Variants in RARB observed in about 807,000 individuals in gnomAD.
RARB encodes HBV-activated protein.
A neutral mutation model predicts 51.9 loss-of-function variants in RARB; 17 were observed. The observed-to-expected ratio is 0.33, with a 90% confidence interval of 0.22 to 0.49. RARB has a LOEUF of 0.49. RARB is among the 20% of genes least tolerant of loss of function. The probability of loss-of-function intolerance (pLI) is 0.99; values close to 1 mark genes in which losing one functional copy is unlikely to be tolerated. For missense variants in RARB, 369 were observed against 550.8 expected, an observed-to-expected ratio of 0.67 and a Z score of 3.30; for synonymous variants, 215 against 195.4, an observed-to-expected ratio of 1.10 and a Z score of -0.84.
Position 25,519,587 on chromosome 3 carries a change from C to T in RARB, c.448+18264C>T, listed in dbSNP as rs553965749. Reference sequence around the variant, plus strand: ...AGAAAGTATAAAACAAAATTATGCACAGTTTGATCTCATATTTGTAACAAC... The same window carrying T: ...AGAAAGTATAAAACAAAATTATGCATAGTTTGATCTCATATTTGTAACAAC... On this transcript the variant is annotated intron_variant, in intron 3 of 7. Transcript: ENST00000330688. Among the ~76,000 whole-genome samples, 5 of 152,180 alleles carry T rather than the reference C, an allele frequency of 3.3e-5. No individual in the cohort carries two copies. The South Asian group carries it at 1.0e-3, about 32-fold the overall frequency.
chr3:25,175,865 G>T (rs1472395729), intron 5 of RARB, among the ~76,000 whole-genome samples: 1 of 152,120 alleles, frequency 6.6e-6, no homozygotes, highest in African/African-American at 2.4e-5. Context: ...AGTTGAAGCA[G>T]CCAAAGCGGC....
intron 2 of RARB, among the ~76,000 whole-genome samples, chr3:24,981,536 C>A (rs897329287): frequency 2.0e-5 from 3 of 152,168 alleles, no homozygotes; most frequent in African/African-American, 7.2e-5. Context: ...CAGGTCGATC[C>A]CAGACTGCTG....
At chr3:25,305,263 G>A (rs1176768574) in intron 5 of RARB, among the ~76,000 whole-genome samples, 1 of 152,052 alleles carries the variant, frequency 6.6e-6, no homozygotes, top group East Asian at 1.9e-4. Flanking sequence ...ACTGTAGGAG[G>A]AGAGGTTTTA....
intron 5 of RARB, among the ~76,000 whole-genome samples, chr3:25,588,995 G>T (rs1701511435): frequency 6.6e-6 from 1 of 152,190 alleles, no homozygotes; most frequent in South Asian, 2.1e-4. Context: ...GAGGAATTAA[G>T]CTCCACCCCT....
chr3:25,064,060 T>C (rs1178636305), intron 3 of RARB, among the ~76,000 whole-genome samples: 1 of 152,102 alleles, frequency 6.6e-6, no homozygotes, highest in Non-Finnish European at 1.5e-5. Context: ...TGGGCAGCGG[T>C]GGGTGGATAG....
At chr3:25,232,707 C>G (rs1199276210) in intron 5 of RARB, among the ~76,000 whole-genome samples, 1 of 152,020 alleles carries the variant, frequency 6.6e-6, no homozygotes, top group East Asian at 1.9e-4. Context: ...ATGCAACTTA[C>G]AATTATTCAA....
At chr3:24,981,526 C>T (rs1229520051) in intron 2 of RARB, among the ~76,000 whole-genome samples, 1 of 152,156 alleles carries the variant, frequency 6.6e-6, no homozygotes, top group Non-Finnish European at 1.5e-5. Flanking sequence ...TTCAGTGTCC[C>T]AGGTCGATCC....
chr3:25,414,258 C>A (rs972841034), intron 5 of RARB, among the ~76,000 whole-genome samples: 3 of 152,260 alleles, frequency 2.0e-5, no homozygotes, highest in Non-Finnish European at 4.4e-5. Context: ...TAGTTCATTC[C>A]TTTTTATTGC....
intron 5 of RARB, among the ~76,000 whole-genome samples, chr3:25,277,428 C>T (rs138802678): frequency 6.1e-4 from 93 of 152,248 alleles, no homozygotes; most frequent in East Asian, 4.6e-3. Context: ...CAAGTGAAAT[C>T]GCCTATGGAT....
chr3:25,262,006 C>T (rs1367231062), intron 5 of RARB, among the ~76,000 whole-genome samples: 1 of 152,124 alleles, frequency 6.6e-6, no homozygotes, highest in African/African-American at 2.4e-5. Flanking sequence ...AAAACATAAA[C>T]CTGACACTGT....
At chr3:24,988,274 A>C (rs1696836770) in intron 2 of RARB, among the ~76,000 whole-genome samples, 1 of 152,308 alleles carries the variant, frequency 6.6e-6, no homozygotes, top group South Asian at 2.1e-4. Flanking sequence ...CCATGCTTTG[A>C]GCTTAGGGGT....
At chr3:25,473,356 C>G (rs746613813) in intron 2 of RARB, among the ~76,000 whole-genome samples, 1 of 151,536 alleles carries the variant, frequency 6.6e-6, no homozygotes, top group Admixed American at 6.6e-5. Context: ...TCTGCCTGTA[C>G]AAAGCTAGCA....
At chr3:24,940,043 G>A (rs529956207) in intron 2 of RARB, among the ~76,000 whole-genome samples, 56 of 152,248 alleles carry the variant, frequency 3.7e-4, no homozygotes, top group African/African-American at 1.3e-3. Context: ...ATGTAAATGG[G>A]CTCTGGGGAT....
chr3:24,914,896 G>A (rs1414623792), intron 2 of RARB, among the ~76,000 whole-genome samples: 6 of 152,204 alleles, frequency 3.9e-5, no homozygotes, highest in Admixed American at 1.3e-4. Context: ...CACTATAAAT[G>A]TACCTCACTG....
intron 4 of RARB, among the ~76,000 whole-genome samples, chr3:25,139,351 A>G (rs1700076688): frequency 6.6e-6 from 1 of 152,190 alleles, no homozygotes; most frequent in East Asian, 1.9e-4. Flanking sequence ...GAAGGAAATT[A>G]AAAGTGCTAC....
intron 2 of RARB, among the ~76,000 whole-genome samples, chr3:24,903,804 T>C (rs574517918): frequency 2.0e-5 from 3 of 152,320 alleles, no homozygotes; most frequent in Non-Finnish European, 2.9e-5. Flanking sequence ...GACTGAAATA[T>C]GTTCTCTATA....
At chr3:25,398,328 T>C (rs1270757180) in intron 5 of RARB, among the ~76,000 whole-genome samples, 1 of 152,158 alleles carries the variant, frequency 6.6e-6, no homozygotes, top group Non-Finnish European at 1.5e-5. Flanking sequence ...ACTCCCATTA[T>C]TATCGATAAA....
At chr3:25,271,240 T>C (rs934063337) in intron 5 of RARB, among the ~76,000 whole-genome samples, 1 of 152,182 alleles carries the variant, frequency 6.6e-6, no homozygotes, top group African/African-American at 2.4e-5. Context: ...AAGAATGAGA[T>C]AAAATTGTAA....
intron 2 of RARB, among the ~76,000 whole-genome samples, chr3:24,972,305 C>A (rs1177074950): frequency 1.3e-5 from 2 of 151,714 alleles, no homozygotes; most frequent in African/African-American, 4.9e-5. Flanking sequence ...TGTGTTGCTG[C>A]AAATGACATG....
Sources: gnomAD v4.1 joint callset for allele counts (sites outside exome capture counted in the v4.1 genomes callset) on GRCh38, gnomAD v4.1.1 for gene constraint, MANE v1.5 for transcripts, NCBI Gene and HGNC (gene_info 2026-07-23, HGNC 2026-07-21) for gene names.